The following TRIM44 variants were observed in gnomAD, a reference collection of about 807,000 sequenced individuals.
The protein encoded by TRIM44 is tripartite motif containing 44.
TRIM44 carries 13 observed loss-of-function variants against 37.4 expected under a neutral mutation model. The observed-to-expected ratio is 0.35, with a 90% confidence interval of 0.23 to 0.55. The LOEUF is 0.55. Among genes scored for constraint, TRIM44 ranks in the 20% least tolerant of loss-of-function variants. The probability of loss-of-function intolerance (pLI) is 0.89; values close to 1 mark genes in which losing one functional copy is unlikely to be tolerated. For synonymous variants in TRIM44, 175 were observed against 157.2 expected (o/e 1.11, Z -0.85); for missense variants, 426 against 437.2 (o/e 0.97, Z 0.23).
At chr11:35,737,647 C>T (rs995954815) in intron 4 of TRIM44, among the ~76,000 whole-genome samples, 5 of 152,128 alleles carry the variant, frequency 3.3e-5, no homozygotes, top group Non-Finnish European at 7.4e-5. Flanking sequence ...ACCAGCCTGA[C>T]CAACATGGTG....
At chr11:35,774,419 G>A (rs539384900) in intron 4 of TRIM44, among the ~76,000 whole-genome samples, 383 of 152,288 alleles carry the variant, frequency 2.5e-3, no homozygotes, top group Non-Finnish European at 4.6e-3. Context: ...TCTGTAGGTT[G>A]CCTGTTCACT....
intron 1 of TRIM44, among the ~76,000 whole-genome samples, chr11:35,678,975 T>C (rs138360528): frequency 1.3e-5 from 2 of 151,620 alleles, no homozygotes; most frequent in African/African-American, 4.8e-5. Context: ...GTAAAATGAC[T>C]AAGTTGGATT....
rs555586559 is a variant in TRIM44, at chr11:35,815,728, A to G, written c.*9343A>G. 1 of 152,272 alleles carries G rather than the reference A, an allele frequency of 6.6e-6. No homozygotes were observed. Among genetic ancestry groups the G allele is most frequent in the East Asian group, 1.9e-4 (1 of 5,180 alleles). The allele number at this position is 152,272 out of a possible 1,614,324, so 9.4% of individuals were successfully genotyped here. On this transcript the variant is annotated 3_prime_UTR_variant, in exon 5 of 5. Coordinates refer to ENST00000299413, the MANE Select transcript of TRIM44 (RefSeq NM_017583.6). ...CTATTATGAGGACAAGACGTGGAAG[A>G]ATTAGGTCACCGGGGCATCTGCCAT...
At chr11:35,715,579 A>C (rs1009380616) in intron 2 of TRIM44, among the ~76,000 whole-genome samples, 3 of 152,064 alleles carry the variant, frequency 2.0e-5, no homozygotes, top group African/African-American at 4.8e-5. Flanking sequence ...TAAGTACCAA[A>C]ATTTATAGTC....
rs1241417376 is a variant in TRIM44, at chr11:35,814,593, A to C, written c.*8208A>C. 2.0e-5 allele frequency: 3 copies of C among 152,152 alleles called. No individual in the cohort carries two copies. Among genetic ancestry groups the C allele is most frequent in the Admixed American group, 2.0e-4 (3 of 15,266 alleles). 9.4% of individuals were successfully genotyped at this position (152,152 alleles called of 1,614,324 possible). On this transcript the variant is annotated 3_prime_UTR_variant, in exon 5 of 5. Coordinates refer to ENST00000299413, the MANE Select transcript of TRIM44 (RefSeq NM_017583.6). ...TTTTCTCCCATGATGCACTGCTTTC[A>C]ACACTGCATGACTGTAAAAACATGT...
At chr11:35,689,401 GGAA>G (rs1048420991) in intron 2 of TRIM44, among the ~76,000 whole-genome samples, 3 of 152,166 alleles carry the variant, frequency 2.0e-5, no homozygotes, top group Admixed American at 2.0e-4. Flanking sequence ...TCTATATCGT[GGAA>G]GAAGATTACT....
chr11:35,668,076 C>G (rs1851351325), intron 1 of TRIM44, among the ~76,000 whole-genome samples: 1 of 152,126 alleles, frequency 6.6e-6, no homozygotes, highest in Non-Finnish European at 1.5e-5. Flanking sequence ...ATTGGTAGAA[C>G]TGACCATGGA....
At chr11:35,740,833 G>A (rs1852388312) in intron 4 of TRIM44, among the ~76,000 whole-genome samples, 5 of 152,116 alleles carry the variant, frequency 3.3e-5, no homozygotes, top group Admixed American at 3.3e-4. Context: ...TATCACATAT[G>A]GAGTGGGAAC....
chr11:35,743,690 T>C (rs963517569), intron 4 of TRIM44, among the ~76,000 whole-genome samples: 1 of 152,214 alleles, frequency 6.6e-6, no homozygotes, highest in African/African-American at 2.4e-5. Context: ...ACTGATATTC[T>C]ATTCCATCAT....
intron 4 of TRIM44, among the ~76,000 whole-genome samples, chr11:35,769,022 G>A (rs1852832153): frequency 1.3e-5 from 2 of 152,158 alleles, no homozygotes. Context: ...AAATTCAAAA[G>A]TTCTGGCATT....
rs150603671 is a variant in TRIM44, at chr11:35,788,473, G to A, written c.1008-17885G>A. Among the ~76,000 whole-genome samples, 44 of 152,250 alleles carry A rather than the reference G, an allele frequency of 2.9e-4. 1 individual carries two copies. In the East Asian group the frequency reaches 7.9e-3, roughly 27 times the overall value. ...AAGAAAATAAAGCCTCTAGTATGGC[G>A]TTATATCAGATTCATGGAGTCCTTC... On this transcript the variant is annotated intron_variant, in intron 4 of 4. Coordinates refer to ENST00000299413, the MANE Select transcript of TRIM44 (RefSeq NM_017583.6).
intron 2 of TRIM44, among the ~76,000 whole-genome samples, chr11:35,712,775 G>A (rs1314541920): frequency 5.3e-5 from 8 of 152,100 alleles, no homozygotes; most frequent in Non-Finnish European, 7.3e-5. Flanking sequence ...TAGCAGCCAC[G>A]CTTCAGGTTT....
At position 35,716,640 on chromosome 11, in the gene TRIM44, A is replaced by C. The variant is rs541875153; in HGVS notation, c.748-9284A>C. Among the ~76,000 whole-genome samples, 8 of 152,276 alleles carry C rather than the reference A, an allele frequency of 5.3e-5. No homozygotes were observed. The South Asian group carries it at 1.7e-3, about 32-fold the overall frequency. On this transcript the variant is annotated intron_variant, in intron 2 of 4. Coordinates refer to ENST00000299413, the MANE Select transcript of TRIM44 (RefSeq NM_017583.6). ...CATAATTTTTCCTTGAGGTAGTAGT[A>C]AGTCAAGAGACCTATTATCTGGTGG...
At chr11:35,763,679 A>G (rs1305968768) in intron 4 of TRIM44, among the ~76,000 whole-genome samples, 1 of 152,206 alleles carries the variant, frequency 6.6e-6, no homozygotes, top group Non-Finnish European at 1.5e-5. Context: ...TGGGAGGCTA[A>G]ATTAATTTCG....
intron 4 of TRIM44, among the ~76,000 whole-genome samples, chr11:35,768,659 G>A (rs1024622074): frequency 6.6e-6 from 1 of 152,132 alleles, no homozygotes; most frequent in Non-Finnish European, 1.5e-5. Flanking sequence ...AACAAAAATG[G>A]CATGTTTCTT....
At chr11:35,675,236 T>A (rs1375778612) in intron 1 of TRIM44, among the ~76,000 whole-genome samples, 2 of 152,220 alleles carry the variant, frequency 1.3e-5, no homozygotes, top group East Asian at 3.8e-4. Context: ...AATGAAGAAC[T>A]GAGAGAGTAT....
chr11:35,746,963 A>T (rs1416012753), intron 4 of TRIM44, among the ~76,000 whole-genome samples: 2 of 152,164 alleles, frequency 1.3e-5, no homozygotes, highest in East Asian at 3.8e-4. Context: ...TACATGTCTT[A>T]CCCTCTGGTT....
chr11:35,730,062 T>A (rs116001613), intron 3 of TRIM44, among the ~76,000 whole-genome samples: 1,945 of 152,234 alleles, frequency 0.013, 48 homozygotes, highest in African/African-American at 0.044. Context: ...GATGTAGGAA[T>A]TAAAAGACAA....
rs571215722 is a variant in TRIM44, at chr11:35,703,737, A to G, written c.747+18401A>G. On this transcript the variant is annotated intron_variant, in intron 2 of 4. Coordinates refer to ENST00000299413, the MANE Select transcript of TRIM44 (RefSeq NM_017583.6). ...GAAGGAAAACTAACAAACAGAAAGG[A>G]CATCCACACCAAAAACCCATCTGTA... Among the ~76,000 whole-genome samples the G allele has an allele frequency of 8.4e-4, 128 of 152,308 alleles. 1 individual carries two copies. The highest frequency in any genetic ancestry group is 4.2e-3 in the South Asian group (20 of 4,818).
Sources: gnomAD v4.1 joint callset for allele counts (sites outside exome capture counted in the v4.1 genomes callset) on GRCh38, gnomAD v4.1.1 for gene constraint, MANE v1.5 for transcripts, NCBI Gene and HGNC (gene_info 2026-07-23, HGNC 2026-07-21) for gene names.